XIRP2: variants seen among roughly 807,000 people sequenced by gnomAD.
The protein encoded by XIRP2 is xin actin-binding repeat-containing protein 2.
A neutral mutation model predicts 277.0 loss-of-function variants in XIRP2; 236 were observed. The observed-to-expected ratio is 0.85, with a 90% CI of 0.77 to 0.95. XIRP2 has a LOEUF of 0.95. XIRP2 is among the 40% of genes least tolerant of loss of function. The pLI is 0.00. For synonymous variants in XIRP2, 1,490 were observed against 1,416.5 expected (o/e 1.05, Z -1.17); for missense variants, 4,640 against 4,157.5 (o/e 1.12, Z -3.19).
chr2:167,028,229 C>G lies in XIRP2; in HGVS notation c.409-107680C>G, dbSNP rs182458307. 5.5e-4 allele frequency among the ~76,000 whole-genome samples: 83 copies of G among 152,124 alleles called. No individual in the cohort carries two copies. The East Asian group carries it at 8.7e-3, about 16-fold the overall frequency. ...TTTGCAAAATTTCTTTTATTTCTCA[C>G]AATAATCATATGACTATTAACCAAA... On this transcript the variant is annotated intron_variant, in intron 2 of 10. Transcript: ENST00000409195.
intron 3 of XIRP2, among the ~76,000 whole-genome samples, chr2:167,147,954 G>A (rs540185129): frequency 2.0e-5 from 3 of 152,042 alleles, no homozygotes; most frequent in Non-Finnish European, 4.4e-5. Context: ...AAAATTAAAG[G>A]ATCAGCCTTA....
In XIRP2 at chr2:167,251,445, T is replaced by A; in HGVS notation, c.10053T>A (p.Asn3351Lys). ...GCCCAGTTTCTGAAGCAAAGTCAAA[T>A]AGAAGAGTTTATGCAAAGGGAGAAA... ...EHGPVSEAKS[N>K]RRVYAKGETN... Residue 3351 changes from asparagine to lysine, a missense_variant, in exon 9 of 11, where the codon AAT (asparagine) becomes AAA (lysine). Asn to Lys is a moderately conservative substitution (Grantham distance 94). Coordinates refer to ENST00000409195, the MANE Select transcript of XIRP2 (RefSeq NM_152381.6). The A allele has an allele frequency of 6.2e-7, 1 of 1,613,504 alleles. No homozygotes were observed. Among genetic ancestry groups the A allele is most frequent in the African/African-American group, 1.3e-5 (1 of 74,946 alleles).
rs1234819286 is a variant in XIRP2, at chr2:167,251,560, TCTTGCAAACATC to T, written c.10171_10182del (p.Cys3391_Pro3394del). On this transcript the variant is annotated inframe_deletion, in exon 9 of 11. Coordinates refer to ENST00000409195, the MANE Select transcript of XIRP2 (RefSeq NM_152381.6). ...AGGAAACACGAGTTTTACAGACTTT[TCTTGCAAACATC>T]CTAGAGAACTGCGAGAAAAGATTCC... 1 of 1,613,586 alleles carries T rather than the reference TCTTGCAAACATC, an allele frequency of 6.2e-7. No homozygotes were observed. The highest frequency in any genetic ancestry group is 8.5e-7 in the Non-Finnish European group (1 of 1,179,630).
intron 5 of XIRP2, among the ~76,000 whole-genome samples, chr2:167,238,045 G>A (rs531555848): frequency 6.6e-6 from 1 of 152,260 alleles, no homozygotes; most frequent in Admixed American, 6.5e-5. Context: ...AATGAATATG[G>A]ATCCTTCTCA....
chr2:167,138,222 A>G (rs1691612285), intron 3 of XIRP2, among the ~76,000 whole-genome samples: 1 of 152,210 alleles, frequency 6.6e-6, no homozygotes, highest in African/African-American at 2.4e-5. Flanking sequence ...TATGAAAAAC[A>G]GTAGATTTTT....
In XIRP2 at chr2:167,243,676, G is replaced by A. The variant is rs758715477; in HGVS notation, c.2284G>A (p.Val762Ile). ...LEIKTVHREDVEKGDVRTARW... is the reference protein window; with the variant it reads ...LEIKTVHREDIEKGDVRTARW... Reference sequence around the variant, plus strand: ...AATTAAAACTGTTCACAGAGAAGACGTTGAAAAGGGAGATGTAAGAACAGC... The same window carrying A: ...AATTAAAACTGTTCACAGAGAAGACATTGAAAAGGGAGATGTAAGAACAGC... Residue 762 changes from valine (V) to isoleucine (I), a missense_variant, in exon 9 of 11, where the codon GTT becomes ATT. Val to Ile is a conservative substitution (Grantham distance 29). Transcript: ENST00000409195. The A allele has an allele frequency of 4.0e-5, 65 of 1,613,856 alleles. No homozygotes were observed. The East Asian group carries it at 4.9e-4, about 12-fold the overall frequency.
chr2:167,158,043 G>A (rs574819960), intron 3 of XIRP2, among the ~76,000 whole-genome samples: 17 of 152,180 alleles, frequency 1.1e-4, no homozygotes, highest in Non-Finnish European at 2.1e-4. Flanking sequence ...TAGTTGTGCC[G>A]TAACATAAAC....
intron 2 of XIRP2, among the ~76,000 whole-genome samples, chr2:167,106,520 C>A (rs1288421761): frequency 2.0e-5 from 3 of 151,652 alleles, no homozygotes; most frequent in Non-Finnish European, 4.4e-5. Context: ...TACATATACT[C>A]TTTCATTAAT....
intron 2 of XIRP2, among the ~76,000 whole-genome samples, chr2:167,072,801 A>G (rs986199206): frequency 3.9e-5 from 6 of 152,152 alleles, no homozygotes; most frequent in Non-Finnish European, 8.8e-5. Context: ...TACAAAGCTG[A>G]TAGGAAACAT....
At chr2:167,147,341 G>A (rs1398749344) in intron 3 of XIRP2, among the ~76,000 whole-genome samples, 1 of 152,116 alleles carries the variant, frequency 6.6e-6, no homozygotes, top group East Asian at 1.9e-4. Flanking sequence ...ACCAGCTCCT[G>A]GGAAACAACC....
chr2:167,121,172 A>T (rs1691046378), intron 2 of XIRP2, among the ~76,000 whole-genome samples: 1 of 152,320 alleles, frequency 6.6e-6, no homozygotes, highest in South Asian at 2.1e-4. Flanking sequence ...ACTCAACATA[A>T]CTATGTGGAT....
intron 2 of XIRP2, among the ~76,000 whole-genome samples, chr2:167,125,485 G>A (rs894742659): frequency 1.3e-5 from 2 of 152,102 alleles, no homozygotes; most frequent in African/African-American, 4.8e-5. Flanking sequence ...GTGTGGCCTT[G>A]GGCAAGTTAC....
chr2:166,973,096 T>C (rs1162918316), intron 2 of XIRP2, among the ~76,000 whole-genome samples: 1 of 152,274 alleles, frequency 6.6e-6, no homozygotes, highest in East Asian at 1.9e-4. Context: ...TTCATACCAC[T>C]TGCATTTCAT....
intron 2 of XIRP2, among the ~76,000 whole-genome samples, chr2:167,029,646 G>A (rs1360082517): frequency 6.6e-6 from 1 of 152,024 alleles, no homozygotes; most frequent in Non-Finnish European, 1.5e-5. Flanking sequence ...ACGTTCATCA[G>A]GTATATTGGC....
At chr2:167,007,695 T>TCA (rs1466298866) in intron 2 of XIRP2, among the ~76,000 whole-genome samples, 1 of 118,634 alleles carries the variant, frequency 8.4e-6, no homozygotes, top group East Asian at 2.5e-4. Context: ...TCTCTCTCTC[T>TCA]CTCTCTCTCA....
chr2:167,125,654 C>G (rs1691180362), intron 2 of XIRP2, among the ~76,000 whole-genome samples: 5 of 152,178 alleles, frequency 3.3e-5, no homozygotes, highest in Non-Finnish European at 7.3e-5. Context: ...TTAAGGACTA[C>G]ATTTCCTCAT....
chr2:166,904,873 T>C (rs1684477254), intron 2 of XIRP2, among the ~76,000 whole-genome samples: 1 of 152,118 alleles, frequency 6.6e-6, no homozygotes, highest in Non-Finnish European at 1.5e-5. Context: ...TTAGCCTTCA[T>C]AGAAGCCATC....
At chr2:166,931,316 T>C (rs542697777) in intron 2 of XIRP2, among the ~76,000 whole-genome samples, 2 of 152,162 alleles carry the variant, frequency 1.3e-5, no homozygotes, top group Non-Finnish European at 2.9e-5. Flanking sequence ...ACACATTTCA[T>C]GTGTGCAGCT....
intron 5 of XIRP2, among the ~76,000 whole-genome samples, chr2:167,221,487 G>GAAAAAAAAAAAAAAAAAAAAAAAAAAAA (rs1694429409): frequency 6.9e-6 from 1 of 144,032 alleles, no homozygotes. Flanking sequence ...AAAAAAAAAG[G>GAAAAAAAAAAAAAAAAAAAAAAAAAAAA]AAAAAGTCAT....
Sources: allele counts gnomAD v4.1 joint callset (sites outside exome capture counted in the v4.1 genomes callset), GRCh38; gene constraint gnomAD v4.1.1; transcripts MANE v1.5; gene names NCBI Gene and HGNC (gene_info 2026-07-23, HGNC 2026-07-21).